Variants in MAMDC4 observed in about 807,000 individuals in gnomAD.
MAMDC4 encodes the protein MAM domain containing 4, also known as apical endosomal glycoprotein.
MAMDC4 carries 168 observed loss-of-function variants against 153.3 expected under a neutral mutation model. The observed-to-expected ratio is 1.10, with a 90% confidence interval of 0.97 to 1.25. The LOEUF (loss-of-function observed/expected upper bound fraction) is 1.25, where lower values mean the gene tolerates loss of function less well. Among genes scored for constraint, MAMDC4 ranks in the 50% most tolerant of loss-of-function variants. The pLI is 0.00. For synonymous variants in MAMDC4, 744 were observed against 651.5 expected, an observed-to-expected ratio of 1.14 and a Z score of -2.16; for missense variants, 1,701 against 1,542.8, an observed-to-expected ratio of 1.10 and a Z score of -1.72.
chr9:136,853,042 G>A (rs1399410532), intron 1 of MAMDC4, 60 bp from the exon 2 acceptor site: 4 of 1,431,948 alleles, frequency 2.8e-6, no homozygotes, highest in Non-Finnish European at 3.9e-6. Context: ...ATAGTCCTAG[G>A]CAGGCTGGGA....
Position 136,857,738 on chromosome 9 carries a change from G to GC in MAMDC4, c.2410dup (p.Leu804ProfsTer62), listed in dbSNP as rs1381113991. Reference sequence around the variant, plus strand: ...CCTCCCTGACCTCCAAGGAGCACAGGCCCCTGGCCCAGCCTGCTTGTCTGA... The same window carrying GC: ...CCTCCCTGACCTCCAAGGAGCACAGGCCCCCTGGCCCAGCCTGCTTGTCTGA... On this transcript the variant is annotated frameshift_variant, in exon 19 of 27. Coordinates refer to ENST00000317446, the MANE Select transcript of MAMDC4 (RefSeq NM_206920.3). LOFTEE classifies it high-confidence loss of function. The GC allele has an allele frequency of 3.7e-6, 6 of 1,612,680 alleles. No individual in the cohort carries two copies. Among genetic ancestry groups the GC allele is most frequent in the Non-Finnish European group, 5.1e-6 (6 of 1,179,880 alleles).
rs748313858 is a variant in MAMDC4, at chr9:136,857,684, C to T, written c.2352C>T (p.Ser784=). Residue 784 remains serine, a synonymous_variant, in exon 19 of 27, where the codon AGC becomes AGT. Coordinates refer to ENST00000317446, the MANE Select transcript of MAMDC4 (RefSeq NM_206920.3). The part of the protein sequence containing the change: ...AQGHYMVVDT[S]PDALPRGQTA... ...GGCACTACATGGTGGTGGACACAAG[C>T]CCAGACGCACTACCCCGGGGCCAGA... is the stretch of plus-strand genomic sequence containing the variant. 3.1e-6 allele frequency: 5 copies of T among 1,612,470 alleles called. No individual in the cohort carries two copies. The African/African-American group carries it at 6.7e-5, about 22-fold the overall frequency.
chr9:136,854,059 G>A lies in MAMDC4; in HGVS notation c.653G>A (p.Trp218Ter). ...GTGGCTCTAGATGACCTAGAGTTCT[G>A]GGACTGTGGTCTGCCCAGTAAGGCA... Reference protein sequence around the residue: ...GAVALDDLEFWDCGLPTPQAN... With the variant: ...GAVALDDLEF The change falls in exon 6 of 27, where the codon TGG (tryptophan) becomes TAG (stop). Residue 218 changes from tryptophan (W) to a stop codon, truncating the protein, a stop_gained. Transcript: ENST00000317446. LOFTEE classifies it high-confidence loss of function. 1.2e-6 allele frequency: 2 copies of A among 1,612,812 alleles called. No homozygotes were observed. Among genetic ancestry groups the A allele is most frequent in the Non-Finnish European group, 1.7e-6 (2 of 1,179,934 alleles).
At position 136,858,538 on chromosome 9, in the gene MAMDC4, C is replaced by G; in HGVS notation, c.2813C>G (p.Thr938Arg). Residue 938 changes from threonine (T) to arginine (R), a missense_variant, in exon 22 of 27, where the codon ACA becomes AGA. Coordinates refer to ENST00000317446, the MANE Select transcript of MAMDC4 (RefSeq NM_206920.3). ...CCCCCTGTGGACCACACCCTGGGCA[C>G]AGAGGCAGGTACGTGCCCACTGGAG... ...PQPPVDHTLGTEAGHFAFFET... is the reference protein window; with the variant it reads ...PQPPVDHTLGREAGHFAFFET... 6.3e-7 allele frequency: 1 copy of G among 1,581,240 alleles called. No individual in the cohort carries two copies. The highest frequency in any genetic ancestry group is 8.6e-7 in the Non-Finnish European group (1 of 1,165,124).
At chr9:136,855,676 C>G in intron 12 of MAMDC4, 56 bp from the exon 13 acceptor site, 5 of 1,567,398 alleles carry the variant, frequency 3.2e-6, no homozygotes, top group Non-Finnish European at 4.3e-6. Flanking sequence ...GGGTAGGCGC[C>G]GGGGCAGGCT....
Position 136,855,698 on chromosome 9 carries a change from G to C in MAMDC4, c.1472-34G>C, listed in dbSNP as rs112366165. On this transcript the variant is annotated intron_variant, in intron 12 of 26. Coordinates refer to ENST00000317446, the MANE Select transcript of MAMDC4 (RefSeq NM_206920.3). ...CGCCGGGGCAGGCTGAGGACTCTGA[G>C]GACTCTGCCATTCAGTGCCGGCTGC... 1.7e-3 allele frequency: 2,597 copies of C among 1,571,832 alleles called. 30 individuals carry two copies. The African/African-American group carries it at 0.03, about 18-fold the overall frequency.
Position 136,859,926 on chromosome 9 carries a change from C to T in MAMDC4, c.3234C>T (p.Gly1078=), listed in dbSNP as rs745445211. The change falls in exon 26 of 27, where the codon GGC becomes GGT. Residue 1078 remains glycine, a synonymous_variant. Transcript: ENST00000317446. ...AAPGSVPAVV[G]SALLLLMLLV... ...CCGGGTCTGTGCCAGCTGTGGTTGG[C>T]AGTGCCCTCCTATTGCTCATGCTCC... 1.9e-6 allele frequency: 3 copies of T among 1,612,564 alleles called. No individual in the cohort carries two copies. Among genetic ancestry groups the T allele is most frequent in the Non-Finnish European group, 2.5e-6 (3 of 1,179,970 alleles).
chr9:136,858,942 C>A, intron 23 of MAMDC4, 63 bp from the exon 24 acceptor site: 1 of 1,526,576 alleles, frequency 6.6e-7, no homozygotes, highest in Non-Finnish European at 8.8e-7. Flanking sequence ...CCCAGCCCGC[C>A]CCTGGTTAGG....
In MAMDC4 at chr9:136,855,502, C is replaced by A. The variant is rs749447496; in HGVS notation, c.1354C>A (p.Arg452=). ...CCCCCAGCCCCTGCCGCCCAGCTCG[C>A]GGCTCCAGGATTCCTGCAAGCAGGG... ...PAPQPLPPSS[R]LQDSCKQGHL... Residue 452 remains arginine, a synonymous_variant, in exon 12 of 27, where the codon CGG becomes AGG. Coordinates refer to ENST00000317446, the MANE Select transcript of MAMDC4 (RefSeq NM_206920.3). 5 of 1,595,884 alleles carry A rather than the reference C, an allele frequency of 3.1e-6. No homozygotes were observed. Among genetic ancestry groups the A allele is most frequent in the Non-Finnish European group, 4.3e-6 (5 of 1,171,692 alleles).
chr9:136,857,080 G>GC, intron 16 of MAMDC4, 39 bp downstream of exon 16: 2 of 1,603,048 alleles, frequency 1.2e-6, no homozygotes, highest in Non-Finnish European at 1.7e-6. Context: ...CTGTGGGGAG[G>GC]CCCCCGGGGG....
In MAMDC4 at chr9:136,858,204, G is replaced by T. The variant is rs370302784; in HGVS notation, c.2602G>T (p.Ala868Ser). Reference protein sequence around the residue: ...RAWRVVFEAVAAGVAHSYVAL... With the variant: ...RAWRVVFEAVSAGVAHSYVAL... ...CCGCCAGGTGGTGTTTGAGGCAGTG[G>T]CCGCAGGCGTGGCACACTCCTACGT... The change falls in exon 21 of 27, where the codon GCC (alanine) becomes TCC (serine). Residue 868 changes from alanine to serine, a missense_variant. By Grantham distance (99) the Ala-to-Ser change is moderately conservative. Transcript: ENST00000317446. The T allele has an allele frequency of 1.9e-6, 3 of 1,594,994 alleles. No homozygotes were observed. In the African/African-American group the frequency reaches 4.0e-5, roughly 21 times the overall value.
chr9:136,852,362 C>T lies in MAMDC4; in HGVS notation c.-55C>T, dbSNP rs544602376. ...TGCGGGGCCAGCGCAGGCTGATAAC[C>T]GCACGGAACTTCCCAGGCACCCTGT... On this transcript the variant is annotated 5_prime_UTR_variant, in exon 1 of 27. Transcript: ENST00000317446. 1.8e-5 allele frequency: 28 copies of T among 1,598,636 alleles called. No individual in the cohort carries two copies. The highest frequency in any genetic ancestry group is 1.5e-4 in the African/African-American group (11 of 74,972).
rs1214416046 is a variant in MAMDC4, at chr9:136,857,524, C to A, written c.2264C>A (p.Ala755Asp). The change falls in exon 18 of 27, where the codon GCC becomes GAC. Residue 755 changes from alanine to aspartate, a missense_variant. By Grantham distance (126) the Ala-to-Asp change is moderately radical. Transcript: ENST00000317446. ...GGCCAAGGTCTCTGGAGGCGGCAGG[C>A]CAATGCCTCGGGCCATGCTGCCTGG... ...PGGQGLWRRQ[A>D]NASGHAAWGP... The A allele has an allele frequency of 8.7e-6, 14 of 1,610,950 alleles. No individual in the cohort carries two copies. Among genetic ancestry groups the A allele is most frequent in the Non-Finnish European group, 1.1e-5 (13 of 1,179,960 alleles).
intron 8 of MAMDC4, 27 bp from the exon 9 acceptor site, chr9:136,854,735 C>T: frequency 6.2e-7 from 1 of 1,612,622 alleles, no homozygotes; most frequent in Non-Finnish European, 8.5e-7. Context: ...CCCAGTGGCC[C>T]TGGCCCACTC....
Position 136,852,429 on chromosome 9 carries a change from A to G in MAMDC4, c.13A>G (p.Ser5Gly). The G allele has an allele frequency of 6.2e-7, 1 of 1,610,308 alleles. No individual in the cohort carries two copies. The highest frequency in any genetic ancestry group is 8.5e-7 in the Non-Finnish European group (1 of 1,179,946). Residue 5 changes from serine (S) to glycine (G), a missense_variant, in exon 1 of 27, where the codon AGC becomes GGC. Physicochemically the swap from Ser to Gly is moderately conservative, Grantham distance 56. Coordinates refer to ENST00000317446, the MANE Select transcript of MAMDC4 (RefSeq NM_206920.3). ...CTCTGGCCCAACCATGCCTCTGTCC[A>G]GCCACCTGCTGCCCGCCTTGGTCCT... is the stretch of plus-strand genomic sequence containing the variant. MPLS[S>G]HLLPALVLFL...
Position 136,855,772 on chromosome 9 carries a change from G to T in MAMDC4, c.1512G>T (p.Glu504Asp). 1 of 1,565,734 alleles carries T rather than the reference G, an allele frequency of 6.4e-7. No individual in the cohort carries two copies. Among genetic ancestry groups the T allele is most frequent in the South Asian group, 1.2e-5 (1 of 85,060 alleles). Residue 504 changes from glutamate (E) to aspartate (D), a missense_variant, in exon 13 of 27, where the codon GAG becomes GAT. Physicochemically the swap from Glu to Asp is conservative, Grantham distance 45. Transcript: ENST00000317446. ...AGTCCCCCGAGGCTGGGGGCTGGGA[G>T]GACGCCAGCGTGGGGCGGCTGCAGT... ...DFESPEAGGW[E>D]DASVGRLQWR...
Position 136,856,295 on chromosome 9 carries a change from G to A in MAMDC4, c.1720+146G>A, listed in dbSNP as rs746481739. ...AGTTGTGGTGGACAACGGCTCCCGG[G>A]AGCTGGCATGGCAGGCCCTGAGCAG... On this transcript the variant is annotated intron_variant, in intron 14 of 26. Coordinates refer to ENST00000317446, the MANE Select transcript of MAMDC4 (RefSeq NM_206920.3). 4 of 1,316,822 alleles carry A rather than the reference G, an allele frequency of 3.0e-6. No homozygotes were observed. The South Asian group carries it at 4.7e-5, about 16-fold the overall frequency. The allele number at this position is 1,316,822 out of a possible 1,614,324, so 81.6% of individuals were successfully genotyped here. A position where few individuals can be genotyped will look rare whatever the true frequency, so the allele number is the denominator to read the frequency against.
chr9:136,854,459 C>G (rs1407041073), intron 7 of MAMDC4, 80 bp from the exon 8 acceptor site: 2 of 1,526,278 alleles, frequency 1.3e-6, no homozygotes, highest in Admixed American at 2.0e-5. Flanking sequence ...GTGTGGTTGC[C>G]AGGGCCCCCC....
rs1183229041 is a variant in MAMDC4 at position 136,855,425 on chromosome 9, C to A, written c.1283-6C>A. The A allele has an allele frequency of 5.6e-6, 9 of 1,608,770 alleles. No homozygotes were observed. Among genetic ancestry groups the A allele is most frequent in the African/African-American group, 1.3e-5 (1 of 74,950 alleles). ...CTGCCTCCTGACACCAGTTCTGCCC[C>A]CACAGAGGTGTCCACCCTGCAGCCG... On this transcript the variant is annotated splice_polypyrimidine_tract_variant and splice_region_variant and intron_variant, in intron 11 of 26. Coordinates refer to ENST00000317446, the MANE Select transcript of MAMDC4 (RefSeq NM_206920.3).
Sources: allele counts gnomAD v4.1 joint callset, GRCh38; gene constraint gnomAD v4.1.1; transcripts MANE v1.5; gene names NCBI Gene and HGNC (gene_info 2026-07-23, HGNC 2026-07-21).